TULP4: variants seen among roughly 807,000 people sequenced by gnomAD.
The protein encoded by TULP4 is TUB like protein 4, also known as tubby-related protein 4.
TULP4 carries 16 observed loss-of-function variants against 129.0 expected under a neutral mutation model. That is an observed-to-expected ratio of 0.12 (90% CI 0.08 to 0.19). TULP4 has a LOEUF of 0.19. TULP4 is among the 10% of genes least tolerant of loss of function. The pLI is 1.00. For missense variants in TULP4, 1,842 were observed against 2,059.1 expected (o/e 0.89, Z 2.04); for synonymous variants, 998 against 854.0 (o/e 1.17, Z -2.94).
Position 158,318,377 on chromosome 6 carries a change from T to G in TULP4, c.252+4109T>G, listed in dbSNP as rs922922221. ...AGTAGAGTGACCAACTCTCCTAGCTTCCCAGGATGTGGGACTGTCGGTGTT... is the reference window on the plus strand; with the variant it reads ...AGTAGAGTGACCAACTCTCCTAGCTGCCCAGGATGTGGGACTGTCGGTGTT... On this transcript the variant is annotated intron_variant, in intron 1 of 13. Coordinates refer to ENST00000367097, the MANE Select transcript of TULP4 (RefSeq NM_020245.5). Among the ~76,000 whole-genome samples, 64 of 152,180 alleles carry G rather than the reference T, an allele frequency of 4.2e-4. 1 individual carries two copies. Among genetic ancestry groups the G allele is most frequent in the Non-Finnish European group, 7.3e-5 (5 of 68,030 alleles).
chr6:158,470,318 A>G (rs1307061425), intron 6 of TULP4, among the ~76,000 whole-genome samples: 1 of 152,244 alleles, frequency 6.6e-6, no homozygotes, highest in African/African-American at 2.4e-5. Flanking sequence ...AGAAGAGTGC[A>G]GTTGCAAGAT....
At chr6:158,243,206 T>A (rs1025586750) in intron 1 of TULP4, among the ~76,000 whole-genome samples, 1 of 152,134 alleles carries the variant, frequency 6.6e-6, no homozygotes, top group African/African-American at 2.4e-5. Flanking sequence ...ACCTCTCACG[T>A]CCCTCCACTT....
At chr6:158,337,750 A>G (rs1316607672) in intron 1 of TULP4, among the ~76,000 whole-genome samples, 3 of 151,996 alleles carry the variant, frequency 2.0e-5, no homozygotes, top group East Asian at 3.9e-4. Flanking sequence ...CTAAAGACCA[A>G]GAGTATTCAA....
chr6:158,386,524 T>C (rs1777451991), intron 1 of TULP4, among the ~76,000 whole-genome samples: 1 of 152,204 alleles, frequency 6.6e-6, no homozygotes, highest in Non-Finnish European at 1.5e-5. Context: ...AAATTTTCTT[T>C]TTACTCCTTA....
intron 9 of TULP4, among the ~76,000 whole-genome samples, chr6:158,492,241 G>A (rs1008637162): frequency 2.6e-5 from 4 of 152,198 alleles, no homozygotes; most frequent in African/African-American, 9.6e-5. Context: ...TTCTTTTGTG[G>A]TTAGTGCTTT....
intron 6 of TULP4, among the ~76,000 whole-genome samples, chr6:158,466,339 C>T (rs114839924): frequency 0.01 from 1,536 of 152,264 alleles, 20 homozygotes; most frequent in African/African-American, 0.035. Context: ...CACAAGGATT[C>T]TAGTTTTTCC....
At chr6:158,234,811 G>C (rs1245187902) in intron 1 of TULP4, among the ~76,000 whole-genome samples, 4 of 152,152 alleles carry the variant, frequency 2.6e-5, no homozygotes, top group East Asian at 1.9e-4. Flanking sequence ...TGTTAATTTA[G>C]TTACTAAATT....
chr6:158,408,501 C>T (rs1002326213), intron 1 of TULP4, among the ~76,000 whole-genome samples: 1 of 152,078 alleles, frequency 6.6e-6, no homozygotes, highest in Admixed American at 6.5e-5. Context: ...TGAATGTTTG[C>T]GGTGTGCCTG....
rs752487876 is a variant in TULP4 at position 158,502,444 on chromosome 6, C to T, written c.2781C>T (p.Leu927=). The change falls in exon 13 of 14, where the codon CTC becomes CTT. Residue 927 remains leucine, a synonymous_variant. Transcript: ENST00000367097. ...PGPGSSATLR[L]TATEKKVPQP... Reference sequence around the variant, plus strand: ...CGGGTAGCTCTGCCACCTTGAGGCTCACGGCCACTGAGAAGAAGGTCCCTC... The same window carrying T: ...CGGGTAGCTCTGCCACCTTGAGGCTTACGGCCACTGAGAAGAAGGTCCCTC... 16 of 1,613,444 alleles carry T rather than the reference C, an allele frequency of 9.9e-6. No individual in the cohort carries two copies. The highest frequency in any genetic ancestry group is 1.3e-5 in the African/African-American group (1 of 74,826).
Position 158,234,273 on chromosome 6 carries a change from T to C in TULP4, n.68+1970T>C, listed in dbSNP as rs536775704. On this transcript the variant is annotated intron_variant and non_coding_transcript_variant, in intron 1 of 1. Transcript: ENST00000620026. ...AAAAGATGTTTAACCCATAAAGCAA[T>C]GTGTGGTACCTGAAGCCTGTTTTAA... 2.0e-5 allele frequency among the ~76,000 whole-genome samples: 3 copies of C among 152,314 alleles called. No homozygotes were observed. The South Asian group carries it at 6.2e-4, about 32-fold the overall frequency.
chr6:158,381,262 T>G (rs535934348), intron 1 of TULP4, among the ~76,000 whole-genome samples: 2 of 152,150 alleles, frequency 1.3e-5, no homozygotes, highest in South Asian at 4.2e-4. Flanking sequence ...CACCATAATA[T>G]CATCTGAGCG....
At chr6:158,243,606 T>G (rs1161505184) in intron 1 of TULP4, among the ~76,000 whole-genome samples, 2 of 152,166 alleles carry the variant, frequency 1.3e-5, no homozygotes, top group African/African-American at 4.8e-5. Context: ...CTTTGCATCC[T>G]TGTAATGTAA....
intron 3 of TULP4, among the ~76,000 whole-genome samples, chr6:158,443,399 G>A (rs756322359): frequency 8.5e-5 from 13 of 152,120 alleles, no homozygotes; most frequent in Non-Finnish European, 1.6e-4. Flanking sequence ...TTACAGGCAT[G>A]AGCTACCATG....
chr6:158,482,515 G>C (rs1325440989), intron 8 of TULP4, among the ~76,000 whole-genome samples: 1 of 152,218 alleles, frequency 6.6e-6, no homozygotes. Context: ...AGACTGAAAG[G>C]AGGGAGAGGA....
At chr6:158,355,973 C>A (rs1407284620) in intron 1 of TULP4, among the ~76,000 whole-genome samples, 1 of 152,098 alleles carries the variant, frequency 6.6e-6, no homozygotes, top group African/African-American at 2.4e-5. Flanking sequence ...TGCCTGGGGC[C>A]ACTGAGTGGT....
chr6:158,421,745 GA>G (rs1778347575), intron 2 of TULP4, among the ~76,000 whole-genome samples: 1 of 152,206 alleles, frequency 6.6e-6, no homozygotes, highest in African/African-American at 2.4e-5. Context: ...ATATGGCAAA[GA>G]AGCACGTTTT....
At chr6:158,462,993 A>T (rs963408341) in intron 6 of TULP4, among the ~76,000 whole-genome samples, 8 of 151,768 alleles carry the variant, frequency 5.3e-5, no homozygotes, top group African/African-American at 1.9e-4. Context: ...ACCTCAGGTG[A>T]TCCACCTGCC....
rs116061377 is a variant in TULP4, at chr6:158,298,054, C to T, written n.117-13997C>T. Among the ~76,000 whole-genome samples the T allele has an allele frequency of 1.5e-3, 222 of 152,204 alleles. 1 individual carries two copies. The highest frequency in any genetic ancestry group is 4.6e-3 in the African/African-American group (189 of 41,518). The stretch of plus-strand genomic sequence containing the variant: ...ATTCCTTGCTAGGAAAATAATTTAG[C>T]GATACCTCTCCTATTTGCACATCCA... On this transcript the variant is annotated intron_variant and non_coding_transcript_variant, in intron 1 of 1. Transcript: ENST00000432358.
chr6:158,370,457 CAAAAAAAAA>C (rs533005080), intron 1 of TULP4, among the ~76,000 whole-genome samples: 7 of 28,900 alleles, frequency 2.4e-4, no homozygotes, highest in East Asian at 2.0e-3. Flanking sequence ...AACTCCATCT[CAAAAAAAAA>C]AAAAAAAAAA....
Sources: gnomAD v4.1 joint callset for allele counts (sites outside exome capture counted in the v4.1 genomes callset) on GRCh38, gnomAD v4.1.1 for gene constraint, MANE v1.5 for transcripts, NCBI Gene and HGNC (gene_info 2026-07-23, HGNC 2026-07-21) for gene names.